The following KREMEN1 variants were observed in gnomAD, a reference collection of about 807,000 sequenced individuals.
KREMEN1 encodes kremen protein 1.
KREMEN1 carries 30 observed loss-of-function variants against 46.5 expected under a neutral mutation model. The observed-to-expected ratio is 0.65, with a 90% confidence interval of 0.48 to 0.88. The LOEUF (loss-of-function observed/expected upper bound fraction) is 0.88. KREMEN1 is among the 40% of genes least tolerant of loss of function. KREMEN1 has a pLI of 0.00. For synonymous variants in KREMEN1, 214 were observed against 230.6 expected, an observed-to-expected ratio of 0.93 and a Z score of 0.65; for missense variants, 533 against 596.9, an observed-to-expected ratio of 0.89 and a Z score of 1.11.
rs773048092 is a variant in KREMEN1, at chr22:29,121,508, T to C, written c.477+27T>C. ...TGATGACTCTGTGGCTGTGTAACTA[T>C]AGAAAAATATAAAGATGTAAATGCA... is the stretch of plus-strand genomic sequence containing the variant. On this transcript the variant is annotated intron_variant, in intron 4 of 8. Coordinates refer to ENST00000400335, the MANE Select transcript of KREMEN1 (RefSeq NM_001039570.3). The C allele has an allele frequency of 5.6e-6, 9 of 1,607,492 alleles. No homozygotes were observed. The African/African-American group carries it at 8.0e-5, about 14-fold the overall frequency.
chr22:29,122,974 TG>T, intron 4 of KREMEN1, among the ~76,000 whole-genome samples: 1 of 144,758 alleles, frequency 6.9e-6, no homozygotes, highest in African/African-American at 2.6e-5. Flanking sequence ...AAAGACATAC[TG>T]TTATATACAA....
intron 3 of KREMEN1, among the ~76,000 whole-genome samples, chr22:29,108,287 C>T (rs1169966127): frequency 3.9e-5 from 6 of 152,214 alleles, no homozygotes; most frequent in African/African-American, 1.4e-4. Context: ...AACCCTGTCT[C>T]AAAAGACAAA....
chr22:29,129,709 C>T (rs371209941), intron 5 of KREMEN1, among the ~76,000 whole-genome samples: 2 of 152,162 alleles, frequency 1.3e-5, no homozygotes, highest in Admixed American at 6.5e-5. Context: ...AGACAGACGA[C>T]GGGGCTAGTG....
chr22:29,088,306 T>TAC (rs199764170), intron 1 of KREMEN1, among the ~76,000 whole-genome samples: 5,196 of 149,852 alleles, frequency 0.035, 242 homozygotes, highest in African/African-American at 0.11. Context: ...CACGCGTGCA[T>TAC]ACACACACAC....
At chr22:29,152,269 C>T (rs1168716960) in intron 9 of KREMEN1, among the ~76,000 whole-genome samples, 1 of 152,148 alleles carries the variant, frequency 6.6e-6, no homozygotes, top group Non-Finnish European at 1.5e-5. Flanking sequence ...TCCCTCTAAC[C>T]CCCTACAAGC....
Position 29,109,172 on chromosome 22 carries a change from A to T in KREMEN1, c.352+10219A>T, listed in dbSNP as rs186079868. Among the ~76,000 whole-genome samples the T allele has an allele frequency of 4.7e-4, 72 of 152,274 alleles. 2 individuals carry two copies. In the East Asian group the frequency reaches 6.7e-3, roughly 14 times the overall value. ...AGTGGGTATTATTTAATTTTCCATT[A>T]AAAAAATACAGACTTTCTGAACCAA... On this transcript the variant is annotated intron_variant, in intron 3 of 8. Transcript: ENST00000400335.
intron 1 of KREMEN1, among the ~76,000 whole-genome samples, chr22:29,076,939 CACT>C (rs1477970597): frequency 6.6e-6 from 1 of 152,170 alleles, no homozygotes; most frequent in Non-Finnish European, 1.5e-5. Flanking sequence ...CTTTTAGGCT[CACT>C]ACTCATAAAC....
chr22:29,122,010 G>C (rs1297974899), intron 4 of KREMEN1, among the ~76,000 whole-genome samples: 1 of 152,128 alleles, frequency 6.6e-6, no homozygotes, highest in East Asian at 1.9e-4. Flanking sequence ...AAAAAATAGA[G>C]TTAAGAATAT....
chr22:29,116,878 G>C (rs889947092), intron 3 of KREMEN1, among the ~76,000 whole-genome samples: 6 of 152,112 alleles, frequency 3.9e-5, no homozygotes, highest in African/African-American at 1.4e-4. Context: ...TTCCAAGCCA[G>C]GCCCCTCCAC....
rs531385568 is a variant in KREMEN1, at chr22:29,122,754, A to G, written c.477+1273A>G. On this transcript the variant is annotated intron_variant, in intron 4 of 8. Transcript: ENST00000400335. ...GGAGTTGGAGACCAGCCTGACCAAC[A>G]TGGTGAAACCCCGTCTGTACTAAAA... Among the ~76,000 whole-genome samples the G allele has an allele frequency of 3.3e-5, 5 of 152,160 alleles. No individual in the cohort carries two copies. In the East Asian group the frequency reaches 9.7e-4, roughly 29 times the overall value.
intron 5 of KREMEN1, among the ~76,000 whole-genome samples, chr22:29,129,761 A>G (rs1297133144): frequency 6.6e-6 from 1 of 152,198 alleles, no homozygotes; most frequent in Non-Finnish European, 1.5e-5. Flanking sequence ...CTGTCTGCTC[A>G]GTCATCACTG....
At chr22:29,110,284 C>T (rs1001487641) in intron 3 of KREMEN1, among the ~76,000 whole-genome samples, 3 of 152,166 alleles carry the variant, frequency 2.0e-5, no homozygotes, top group Admixed American at 6.6e-5. Context: ...ACTTCTTATA[C>T]GGTGGCTGGC....
intron 1 of KREMEN1, among the ~76,000 whole-genome samples, chr22:29,085,074 C>T (rs537806793): frequency 1.3e-5 from 2 of 152,210 alleles, no homozygotes; most frequent in South Asian, 2.1e-4. Flanking sequence ...AATCCAAGAA[C>T]GTGATATATG....
chr22:29,074,147 A>G (rs1207525818), intron 1 of KREMEN1, among the ~76,000 whole-genome samples: 1 of 152,210 alleles, frequency 6.6e-6, no homozygotes, highest in Non-Finnish European at 1.5e-5. Context: ...CCTCGCGAGG[A>G]ACGGGATGGA....
rs545504528 is a variant in KREMEN1, at chr22:29,144,562, G to T, written c.*2450G>T. 68 of 985,418 alleles carry T rather than the reference G, an allele frequency of 6.9e-5. No individual in the cohort carries two copies. The highest frequency in any genetic ancestry group is 5.2e-4 in the Middle Eastern group (1 of 1,936). 61.0% of individuals were successfully genotyped at this position (985,418 alleles called of 1,614,324 possible). A position where few individuals can be genotyped will look rare whatever the true frequency, so the allele number is the denominator to read the frequency against. On this transcript the variant is annotated 3_prime_UTR_variant, in exon 9 of 9. Coordinates refer to ENST00000400335, the MANE Select transcript of KREMEN1 (RefSeq NM_001039570.3). Reference sequence around the variant, plus strand: ...AGGACCGCTGGAAACATACCAACACGTGCAGTCTCCCCTCCAAGCTATTCA... The same window carrying T: ...AGGACCGCTGGAAACATACCAACACTTGCAGTCTCCCCTCCAAGCTATTCA...
rs134612 is a variant in KREMEN1, at chr22:29,080,941, C to CTTCTTT, written c.97+7716_97+7717insCTTTTT. Among the ~76,000 whole-genome samples the CTTCTTT allele has an allele frequency of 3.3e-3, 371 of 112,226 alleles. 14 individuals carry two copies. The highest frequency in any genetic ancestry group is 4.3e-3 in the African/African-American group (121 of 28,456). The allele number at this position is 112,226 out of a possible 152,430, so 73.6% of individuals were successfully genotyped here. ...GTCCTGATTGTATTATTTTTTTGTCCTTTTTTTTTTTTTTTTTTTTTAGCG... is the reference window on the plus strand; with the variant it reads ...GTCCTGATTGTATTATTTTTTTGTCCTTCTTTTTTTTTTTTTTTTTTTTTTTTAGCG... On this transcript the variant is annotated intron_variant, in intron 1 of 8. Transcript: ENST00000400335.
chr22:29,141,455 A>G (rs1383628484), intron 8 of KREMEN1, among the ~76,000 whole-genome samples: 1 of 152,210 alleles, frequency 6.6e-6, no homozygotes, highest in Non-Finnish European at 1.5e-5. Context: ...CCTAAAGTGC[A>G]TGCCTAACTC....
At chr22:29,083,367 G>A (rs1401168178) in intron 1 of KREMEN1, among the ~76,000 whole-genome samples, 5 of 152,154 alleles carry the variant, frequency 3.3e-5, no homozygotes, top group Non-Finnish European at 5.9e-5. Context: ...ATTTGAATGA[G>A]TCCATTCTTT....
intron 9 of KREMEN1, among the ~76,000 whole-genome samples, chr22:29,157,494 C>G (rs954218617): frequency 6.6e-6 from 1 of 152,228 alleles, no homozygotes; most frequent in African/African-American, 2.4e-5. Context: ...TGTGCCACCA[C>G]GCCCAGCTAA....
Sources: gnomAD v4.1 joint callset for allele counts (sites outside exome capture counted in the v4.1 genomes callset) on GRCh38, gnomAD v4.1.1 for gene constraint, MANE v1.5 for transcripts, NCBI Gene and HGNC (gene_info 2026-07-23, HGNC 2026-07-21) for gene names.